The following RAB38 variants were observed in gnomAD, a reference collection of about 807,000 sequenced individuals.
RAB38 encodes the protein ras-related protein Rab-38.
RAB38 carries 15 observed loss-of-function variants against 18.4 expected under a neutral mutation model. That is an observed-to-expected ratio of 0.82 (90% CI 0.55 to 1.26). The LOEUF (loss-of-function observed/expected upper bound fraction) is 1.26. RAB38 is among the 50% of genes most tolerant of loss of function. RAB38 has a pLI of 0.00. For missense variants in RAB38, 294 were observed against 267.4 expected, an observed-to-expected ratio of 1.10 and a Z score of -0.69; for synonymous variants, 101 against 104.4, an observed-to-expected ratio of 0.97 and a Z score of 0.20.
intron 2 of RAB38, among the ~76,000 whole-genome samples, chr11:88,128,634 TA>T (rs1159197216): frequency 6.6e-6 from 1 of 152,152 alleles, no homozygotes; most frequent in Non-Finnish European, 1.5e-5. Flanking sequence ...TTTTTGCAAA[TA>T]AAGAAGTTCA....
At chr11:87,883,370 A>C in the RAB38 span, among the ~76,000 whole-genome samples, 3 of 151,930 alleles carry the variant, frequency 2.0e-5, no homozygotes, top group East Asian at 5.9e-4. Context: ...CTCACGTTTG[A>C]AATTTCCTAG....
At chr11:88,004,474 TCAA>T in the RAB38 span, among the ~76,000 whole-genome samples, 2 of 151,208 alleles carry the variant, frequency 1.3e-5, no homozygotes. Context: ...GGAAAGTTCC[TCAA>T]TATCATAAAG....
At chr11:88,111,916 T>A (rs1280751263), downstream of RAB38, among the ~76,000 whole-genome samples, 2 of 152,216 alleles carry the variant, frequency 1.3e-5, no homozygotes, top group African/African-American at 4.8e-5. Context: ...ACCCTGGATC[T>A]CTTCTCCAGT....
At chr11:87,851,975 G>T in the RAB38 span, among the ~76,000 whole-genome samples, 1 of 152,120 alleles carries the variant, frequency 6.6e-6, no homozygotes, top group Non-Finnish European at 1.5e-5. Flanking sequence ...AAGACCTAAA[G>T]AAACAGTTAA....
At chr11:87,855,904 T>C in the RAB38 span, among the ~76,000 whole-genome samples, 1 of 152,202 alleles carries the variant, frequency 6.6e-6, no homozygotes, top group African/African-American at 2.4e-5. Context: ...TATCTTTTTA[T>C]GCTCCCTATA....
chr11:87,826,478 T>C, the RAB38 span, among the ~76,000 whole-genome samples: 4 of 152,140 alleles, frequency 2.6e-5, no homozygotes, highest in African/African-American at 9.7e-5. Context: ...TTTTATATAT[T>C]TTTTTAAAAA....
chr11:87,838,123 T>TA, the RAB38 span, among the ~76,000 whole-genome samples: 2 of 141,076 alleles, frequency 1.4e-5, no homozygotes, highest in African/African-American at 2.8e-5. Flanking sequence ...ATTTTTATTT[T>TA]TTTTTTTTTG....
At chr11:88,081,180 A>G in the RAB38 span, among the ~76,000 whole-genome samples, 1 of 151,986 alleles carries the variant, frequency 6.6e-6, no homozygotes, top group African/African-American at 2.4e-5. Context: ...AAACAGTCAT[A>G]TATTGTTGGT....
At chr11:87,906,601 G>C in the RAB38 span, among the ~76,000 whole-genome samples, 2 of 151,766 alleles carry the variant, frequency 1.3e-5, no homozygotes, top group Admixed American at 1.3e-4. Flanking sequence ...TAAAAACAGG[G>C]TATAAATGTA....
chr11:88,045,140 A>T, the RAB38 span, among the ~76,000 whole-genome samples: 1 of 152,200 alleles, frequency 6.6e-6, no homozygotes, highest in African/African-American at 2.4e-5. Flanking sequence ...GATGCTTTAC[A>T]GCCCTAGACC....
chr11:88,016,865 G>A, the RAB38 span, among the ~76,000 whole-genome samples: 1 of 152,012 alleles, frequency 6.6e-6, no homozygotes, highest in Non-Finnish European at 1.5e-5. Flanking sequence ...AACTTGCTGG[G>A]CACGAATCTG....
chr11:87,918,333 A>G, the RAB38 span, among the ~76,000 whole-genome samples: 1 of 152,144 alleles, frequency 6.6e-6, no homozygotes, highest in African/African-American at 2.4e-5. Context: ...ATTATGAATA[A>G]TGCTGCGATG....
chr11:87,917,800 G>C, the RAB38 span: 1 of 152,038 alleles, frequency 6.6e-6, no homozygotes, highest in African/African-American at 2.4e-5. Context: ...ACTGTGTGCA[G>C]AGAAGAGGAC....
the RAB38 span, among the ~76,000 whole-genome samples, chr11:88,052,469 TA>T: frequency 3.3e-5 from 5 of 152,112 alleles, no homozygotes; most frequent in South Asian, 2.1e-4. Flanking sequence ...TAAAAACCAC[TA>T]CAAAAAGGTA....
chr11:87,948,154 G>A, the RAB38 span, among the ~76,000 whole-genome samples: 5 of 152,112 alleles, frequency 3.3e-5, no homozygotes, highest in Non-Finnish European at 7.3e-5. Flanking sequence ...TCTCTTTGAA[G>A]CAATTGTGAA....
intron 1 of RAB38, among the ~76,000 whole-genome samples, chr11:88,160,214 G>A (rs972143977): frequency 2.0e-5 from 3 of 151,780 alleles, no homozygotes; most frequent in East Asian, 1.9e-4. Context: ...GCCAATAAAT[G>A]TGAAAAAATA....
At chr11:88,061,092 T>G in the RAB38 span, among the ~76,000 whole-genome samples, 1 of 152,242 alleles carries the variant, frequency 6.6e-6, no homozygotes, top group African/African-American at 2.4e-5. Context: ...TACAATGATA[T>G]GATGAAAATG....
chr11:88,011,083 C>G, the RAB38 span, among the ~76,000 whole-genome samples: 1 of 152,150 alleles, frequency 6.6e-6, no homozygotes, highest in African/African-American at 2.4e-5. Context: ...AGAGGCTATT[C>G]CAGATGGGTA....
chr11:88,025,734 G>C, the RAB38 span, among the ~76,000 whole-genome samples: 1 of 151,960 alleles, frequency 6.6e-6, no homozygotes, highest in Non-Finnish European at 1.5e-5. Flanking sequence ...TTTTTTGCTT[G>C]TTCAATTATT....
Sources: gnomAD v4.1 joint callset for allele counts (sites outside exome capture counted in the v4.1 genomes callset) on GRCh38, gnomAD v4.1.1 for gene constraint, MANE v1.5 for transcripts, NCBI Gene and HGNC (gene_info 2026-07-23, HGNC 2026-07-21) for gene names.